The following KIAA0513 variants were observed in gnomAD, a reference collection of about 807,000 sequenced individuals.
KIAA0513 encodes uncharacterized protein KIAA0513.
In KIAA0513, 39 loss-of-function variants were observed where a neutral mutation model predicts 56.5. That is an observed-to-expected ratio of 0.69 (90% confidence interval 0.53 to 0.90). The LOEUF is 0.90. Among genes scored for constraint, KIAA0513 ranks in the 40% least tolerant of loss-of-function variants. KIAA0513 has a pLI of 0.00. For synonymous variants in KIAA0513, 268 were observed against 215.6 expected, an observed-to-expected ratio of 1.24 and a Z score of -2.13; for missense variants, 591 against 535.2, an observed-to-expected ratio of 1.10 and a Z score of -1.03.
chr16:85,058,224 C>G (rs984279744), intron 1 of KIAA0513, among the ~76,000 whole-genome samples: 1 of 152,228 alleles, frequency 6.6e-6, no homozygotes, highest in Admixed American at 6.5e-5. Flanking sequence ...GAGGCACCCT[C>G]ACGGGCATGT....
intron 11 of KIAA0513, 58 bp downstream of exon 11, chr16:85,086,782 T>G: frequency 1.4e-6 from 2 of 1,438,766 alleles, no homozygotes; most frequent in Non-Finnish European, 1.9e-6. Context: ...CCCTGTGAGC[T>G]GTCACACCTG....
intron 1 of KIAA0513, among the ~76,000 whole-genome samples, chr16:85,032,380 C>T (rs1391779730): frequency 6.6e-6 from 1 of 152,234 alleles, no homozygotes; most frequent in Admixed American, 6.5e-5. Flanking sequence ...GTTGCCCAGG[C>T]CGTAGTGCAG....
At chr16:85,039,278 T>C (rs745334538) in intron 1 of KIAA0513, among the ~76,000 whole-genome samples, 1 of 152,222 alleles carries the variant, frequency 6.6e-6, no homozygotes, top group Admixed American at 6.5e-5. Flanking sequence ...TAGGGACTTA[T>C]GTATCATCAA....
In KIAA0513 at chr16:85,042,031, C is replaced by T. The variant is rs368605536; in HGVS notation, c.-173+14173C>T. Among the ~76,000 whole-genome samples, 5 of 152,326 alleles carry T rather than the reference C, an allele frequency of 3.3e-5. No individual in the cohort carries two copies. In the East Asian group the frequency reaches 7.7e-4, roughly 23 times the overall value. On this transcript the variant is annotated intron_variant, in intron 1 of 12. Coordinates refer to ENST00000683363, the MANE Select transcript of KIAA0513 (RefSeq NM_001388359.1). ...TGAAGTCTCATGTAACCCTGACATC[C>T]TGGGGTTTTATTTGAGTAACACAAA...
rs2073893634 is a variant in KIAA0513, at chr16:85,093,716, C to G, written c.*5391C>G. The G allele has an allele frequency of 6.6e-6, 1 of 152,312 alleles. No homozygotes were observed. The highest frequency in any genetic ancestry group is 1.5e-5 in the Non-Finnish European group (1 of 68,084). The allele number at this position is 152,312 out of a possible 1,614,324, so 9.4% of individuals were successfully genotyped here. On this transcript the variant is annotated 3_prime_UTR_variant, in exon 13 of 13. Transcript: ENST00000683363. ...GGCTTTGGCTGTTGGGGAGGAGTCC[C>G]TGCCATCCCGGTGAGCCTGGGGCTG...
chr16:85,052,944 G>A (rs566336813), intron 1 of KIAA0513, among the ~76,000 whole-genome samples: 11 of 152,042 alleles, frequency 7.2e-5, no homozygotes, highest in African/African-American at 2.4e-4. Flanking sequence ...AGGCTGGAGT[G>A]CAGTGGCACG....
chr16:85,060,839 A>G (rs1196469223), intron 1 of KIAA0513, among the ~76,000 whole-genome samples: 2 of 139,936 alleles, frequency 1.4e-5, no homozygotes, highest in Non-Finnish European at 3.0e-5. Flanking sequence ...GCGTGAACCT[A>G]TCTAAAAAAA....
rs1000457352 is a variant in KIAA0513, at chr16:85,081,520, C to T, written c.980+128C>T. On this transcript the variant is annotated intron_variant, in intron 9 of 12. Transcript: ENST00000683363. The surrounding 1 kb of genome is among the most constrained non-coding windows in gnomAD (Gnocchi z 4.4). ...CGTGTCTGTTTTTTCTTCACCCCCT[C>T]ATGGCCCTGGTGCCTCGCAAGCTGC... 1.3e-5 allele frequency: 11 copies of T among 851,500 alleles called. No homozygotes were observed. The Admixed American group carries it at 1.6e-4, about 13-fold the overall frequency. The allele number at this position is 851,500 out of a possible 1,614,324, so 52.7% of individuals were successfully genotyped here.
intron 10 of KIAA0513, among the ~76,000 whole-genome samples, chr16:85,085,050 C>A (rs950764158): frequency 7.2e-5 from 11 of 152,206 alleles, no homozygotes; most frequent in African/African-American, 2.7e-4. Context: ...TGTACAACTC[C>A]CAAGGGAGAC....
At chr16:85,065,995 C>T (rs544108976) in intron 1 of KIAA0513, among the ~76,000 whole-genome samples, 48 of 152,350 alleles carry the variant, frequency 3.2e-4, no homozygotes, top group South Asian at 2.3e-3. Context: ...CAGGAGTCCT[C>T]GCTGGGCACA....
intron 1 of KIAA0513, among the ~76,000 whole-genome samples, chr16:85,038,687 G>A (rs756273004): frequency 1.1e-4 from 15 of 132,356 alleles, no homozygotes; most frequent in South Asian, 2.3e-4. Flanking sequence ...CAGCCTGGGC[G>A]ACAGAGCCAG....
rs948067928 is a variant in KIAA0513 at position 85,092,652 on chromosome 16, G to C, written c.*4327G>C. On this transcript the variant is annotated 3_prime_UTR_variant, in exon 13 of 13. Transcript: ENST00000683363. ...GCTGAACCATTTTTCTTAGGATGCA[G>C]CCGTCTCACTCCCTTGTCCTGTAAA... 1.3e-5 allele frequency: 2 copies of C among 152,258 alleles called. No individual in the cohort carries two copies. Among genetic ancestry groups the C allele is most frequent in the African/African-American group, 4.8e-5 (2 of 41,448 alleles). 9.4% of individuals were successfully genotyped at this position (152,258 alleles called of 1,614,324 possible).
chr16:85,066,707 C>A (rs1005121986), intron 1 of KIAA0513, 193 bp from the exon 2 acceptor site: 2 of 197,120 alleles, frequency 1.0e-5, no homozygotes, highest in Non-Finnish European at 2.0e-5. Context: ...TTTGTTCATT[C>A]ATTTCACAAG....
At chr16:85,080,949 G>A (rs796257625) in intron 8 of KIAA0513, among the ~76,000 whole-genome samples, 8 of 152,198 alleles carry the variant, frequency 5.3e-5, no homozygotes, top group African/African-American at 1.7e-4. Flanking sequence ...CCTCTGCTTC[G>A]TCTTGGGAGT....
At chr16:85,074,341 C>T (rs946602910) in intron 4 of KIAA0513, among the ~76,000 whole-genome samples, 22 of 122,698 alleles carry the variant, frequency 1.8e-4, no homozygotes, top group Admixed American at 9.3e-4. Flanking sequence ...TATATACACA[C>T]ATACACACAC....
At chr16:85,068,007 C>T (rs533629400) in intron 2 of KIAA0513, among the ~76,000 whole-genome samples, 1 of 151,864 alleles carries the variant, frequency 6.6e-6, no homozygotes, top group South Asian at 2.1e-4. Context: ...GACAGGGTTT[C>T]ACCATGTTGG....
intron 1 of KIAA0513, among the ~76,000 whole-genome samples, chr16:85,041,066 A>G (rs1240292412): frequency 1.3e-5 from 2 of 152,228 alleles, no homozygotes; most frequent in African/African-American, 4.8e-5. Flanking sequence ...CCCCTAAATA[A>G]GAATTCAGCT....
At chr16:85,045,718 C>T (rs1205571352) in intron 1 of KIAA0513, among the ~76,000 whole-genome samples, 1 of 152,174 alleles carries the variant, frequency 6.6e-6, no homozygotes, top group Non-Finnish European at 1.5e-5. Context: ...TTTGAAGAGT[C>T]AGTGGTCCTA....
intron 1 of KIAA0513, among the ~76,000 whole-genome samples, chr16:85,039,734 A>G (rs2073080841): frequency 1.3e-5 from 2 of 151,812 alleles, no homozygotes; most frequent in African/African-American, 4.8e-5. Context: ...CAGCCTGCCA[A>G]AGTATTGGGA....
Sources: gnomAD v4.1 joint callset for allele counts (sites outside exome capture counted in the v4.1 genomes callset) on GRCh38, gnomAD v4.1.1 for gene constraint, Gnocchi (gnomAD v3.1) non-coding constraint, MANE v1.5 for transcripts, NCBI Gene and HGNC (gene_info 2026-07-23, HGNC 2026-07-21) for gene names.